NAA15: variants seen among roughly 807,000 people sequenced by gnomAD.
NAA15 encodes N-alpha-acetyltransferase 15, NatA auxiliary subunit.
A neutral mutation model predicts 114.0 loss-of-function variants in NAA15; 34 were observed. That is an observed-to-expected ratio of 0.30 (90% CI 0.23 to 0.40). The LOEUF (loss-of-function observed/expected upper bound fraction) is 0.40, where lower values mean the gene tolerates loss of function less well. Among genes scored for constraint, NAA15 ranks in the 10% least tolerant of loss-of-function variants. NAA15 has a pLI of 1.00. For missense variants in NAA15, 658 were observed against 1,004.5 expected, an observed-to-expected ratio of 0.66 and a Z score of 4.66; for synonymous variants, 340 against 338.0, an observed-to-expected ratio of 1.01 and a Z score of -0.06.
Position 139,340,953 on chromosome 4 carries a change from T to C in NAA15, c.286T>C (p.Tyr96His). Residue 96 changes from tyrosine to histidine, a missense_variant, in exon 4 of 20, where the codon TAT becomes CAT. Tyr to His is a moderately conservative substitution (Grantham distance 83, BLOSUM62 2). Around this residue, in one of 6 missense-constraint regions of NAA15, gnomAD observed 75 missense variants for 172.3 expected, o/e 0.44. Coordinates refer to ENST00000296543, the MANE Select transcript of NAA15 (RefSeq NM_057175.5). ...YGLLQRSDKK[Y>H]DEAIKCYRNA... ...CCTTCTTCAGAGGTCAGACAAGAAGTATGATGAAGCCATTAAGTGTTACAG... is the reference window on the plus strand; with the variant it reads ...CCTTCTTCAGAGGTCAGACAAGAAGCATGATGAAGCCATTAAGTGTTACAG... The C allele has an allele frequency of 6.2e-7, 1 of 1,602,490 alleles. No individual in the cohort carries two copies. Among genetic ancestry groups the C allele is most frequent in the South Asian group, 1.1e-5 (1 of 87,908 alleles).
Position 139,357,402 on chromosome 4 carries a change from A to G in NAA15, c.1104A>G (p.Glu368=). The G allele has an allele frequency of 6.2e-7, 1 of 1,613,726 alleles. No individual in the cohort carries two copies. The highest frequency in any genetic ancestry group is 8.5e-7 in the Non-Finnish European group (1 of 1,179,838). ...LFNPNDDGKE[E]PPTTLLWVQY... The stretch of plus-strand genomic sequence containing the variant: ...TCTCCTAAGATGATGGAAAGGAGGA[A>G]CCACCAACCACATTACTTTGGGTCC... The change falls in exon 11 of 20, where the codon GAA becomes GAG. Residue 368 remains glutamate, a synonymous_variant. Transcript: ENST00000296543.
At chr4:139,366,558 G>A (rs1030595037) in intron 14 of NAA15, among the ~76,000 whole-genome samples, 8 of 151,606 alleles carry the variant, frequency 5.3e-5, no homozygotes, top group African/African-American at 1.7e-4. Context: ...TTTAACTGCC[G>A]TGGTCTGCAT....
At chr4:139,343,138 G>T (rs1747469125) in intron 5 of NAA15, among the ~76,000 whole-genome samples, 178 bp downstream of exon 5, 1 of 152,126 alleles carries the variant, frequency 6.6e-6, no homozygotes, top group Non-Finnish European at 1.5e-5. Context: ...TTAATATTTG[G>T]TGCATTTACT....
chr4:139,365,990 C>A (rs1748269956), intron 14 of NAA15, among the ~76,000 whole-genome samples: 1 of 151,132 alleles, frequency 6.6e-6, no homozygotes. Flanking sequence ...TTTGTGTTTC[C>A]AGAATGTAAT....
At chr4:139,381,504 C>T (rs1748754564) in intron 17 of NAA15, among the ~76,000 whole-genome samples, 1 of 151,874 alleles carries the variant, frequency 6.6e-6, no homozygotes, top group South Asian at 2.1e-4. Context: ...ATGTCTCCTC[C>T]AACCTTCTTT....
intron 16 of NAA15, among the ~76,000 whole-genome samples, chr4:139,377,303 G>A (rs184956839): frequency 0.01 from 1,550 of 152,208 alleles, 16 homozygotes; most frequent in Middle Eastern, 0.027. Flanking sequence ...TTGGGAGGCC[G>A]AGGCAGGTGG....
Position 139,311,953 on chromosome 4 carries a change from G to A in NAA15, c.54+10122G>A, listed in dbSNP as rs1430748768. 2.6e-5 allele frequency among the ~76,000 whole-genome samples: 4 copies of A among 151,130 alleles called. 1 individual carries two copies. Among genetic ancestry groups the A allele is most frequent in the East Asian group, 3.9e-4 (2 of 5,104 alleles). Reference sequence around the variant, plus strand: ...TGCACTCCAGCCTGGGCACCATAGCGAGACTCTATCTCTTTAAAAAAAAAA... The same window carrying A: ...TGCACTCCAGCCTGGGCACCATAGCAAGACTCTATCTCTTTAAAAAAAAAA... On this transcript the variant is annotated intron_variant, in intron 1 of 19. Coordinates refer to ENST00000296543, the MANE Select transcript of NAA15 (RefSeq NM_057175.5).
At chr4:139,312,365 T>C (rs1746252053) in intron 1 of NAA15, among the ~76,000 whole-genome samples, 1 of 151,930 alleles carries the variant, frequency 6.6e-6, no homozygotes, top group African/African-American at 2.4e-5. Context: ...ATGCCAGCTG[T>C]AGGCTTAAAC....
intron 1 of NAA15, among the ~76,000 whole-genome samples, chr4:139,323,173 C>T (rs1746683174): frequency 6.6e-6 from 1 of 151,214 alleles, no homozygotes; most frequent in Non-Finnish European, 1.5e-5. Flanking sequence ...TCTCCTGCCT[C>T]AGCCTCCTGA....
intron 1 of NAA15, among the ~76,000 whole-genome samples, chr4:139,308,797 G>T (rs1268911516): frequency 1.3e-5 from 2 of 151,880 alleles, no homozygotes; most frequent in African/African-American, 4.8e-5. Context: ...TATATTTTTA[G>T]TACAGACAGG....
chr4:139,335,270 A>G (rs974364701), intron 2 of NAA15, among the ~76,000 whole-genome samples: 2 of 152,186 alleles, frequency 1.3e-5, no homozygotes, highest in African/African-American at 2.4e-5. Context: ...TTTGATATTC[A>G]TTTCTAAAGT....
chr4:139,331,142 T>C (rs1054554383), intron 1 of NAA15, among the ~76,000 whole-genome samples: 1 of 152,214 alleles, frequency 6.6e-6, no homozygotes, highest in Non-Finnish European at 1.5e-5. Context: ...AAAGCATATG[T>C]TGATGTCTAA....
intron 16 of NAA15, among the ~76,000 whole-genome samples, chr4:139,378,507 G>A (rs1017574251): frequency 1.3e-5 from 2 of 152,156 alleles, no homozygotes; most frequent in Admixed American, 6.5e-5. Flanking sequence ...TTGCTTATAT[G>A]TCATTAGTTT....
intron 1 of NAA15, among the ~76,000 whole-genome samples, chr4:139,330,651 G>C (rs1014815775): frequency 6.6e-6 from 1 of 152,090 alleles, no homozygotes; most frequent in Admixed American, 6.6e-5. Context: ...GTGAAGACTT[G>C]GTGCAGAATA....
chr4:139,378,721 A>G (rs759061710), intron 16 of NAA15, 35 bp from the exon 17 acceptor site: 36 of 1,397,320 alleles, frequency 2.6e-5, no homozygotes, highest in Middle Eastern at 3.7e-4. Context: ...CTCTTATCCA[A>G]TGATCAAAAT....
Position 139,389,366 on chromosome 4 carries a change from T to C in NAA15, c.*1282T>C, listed in dbSNP as rs3828506. 34,058 of 152,422 alleles carry C rather than the reference T, an allele frequency of 0.22. 4,215 individuals are homozygous for C. Among genetic ancestry groups the C allele is most frequent in the South Asian group, 0.41 (1,977 of 4,812 alleles). 9.4% of individuals were successfully genotyped at this position (152,422 alleles called of 1,614,324 possible). ...TAATCTGTGTTGGGCTTCTGTGAAA[T>C]ACACAGGTGGAAACAGAGGTGCAAG... On this transcript the variant is annotated 3_prime_UTR_variant, in exon 20 of 20. Coordinates refer to ENST00000296543, the MANE Select transcript of NAA15 (RefSeq NM_057175.5).
intron 6 of NAA15, among the ~76,000 whole-genome samples, chr4:139,349,247 A>G (rs1747700042): frequency 6.6e-6 from 1 of 152,166 alleles, no homozygotes. Flanking sequence ...GAGGATGTGA[A>G]GAGGATGGCA....
At chr4:139,330,613 A>T (rs7682614) in intron 1 of NAA15, among the ~76,000 whole-genome samples, 1 of 152,016 alleles carries the variant, frequency 6.6e-6, no homozygotes, top group African/African-American at 2.4e-5. Context: ...TGAGTTGAAG[A>T]GGGGGAATCA....
rs182008061 is a variant in NAA15, at chr4:139,334,247, C to A, written c.128C>A (p.Ala43Glu). The A allele has an allele frequency of 6.3e-7, 1 of 1,599,382 alleles. No homozygotes were observed. Among genetic ancestry groups the A allele is most frequent in the Non-Finnish European group, 8.5e-7 (1 of 1,173,428 alleles). The change falls in exon 2 of 20, where the codon GCA (alanine) becomes GAA (glutamate). Residue 43 changes from alanine to glutamate, a missense_variant. Transcript: ENST00000296543. The part of the protein sequence containing the change: ...CKQILSNPKF[A>E]EHGETLAMKG... ...CAAATACTTTCTAATCCCAAATTTGCAGAGCATGGAGGTAAGTGCAAGTAG... is the reference window on the plus strand; with the variant it reads ...CAAATACTTTCTAATCCCAAATTTGAAGAGCATGGAGGTAAGTGCAAGTAG...
Sources: gnomAD v4.1 joint callset for allele counts (sites outside exome capture counted in the v4.1 genomes callset) on GRCh38, gnomAD v4.1.1 for gene constraint, gnomAD v4.1.1 regional missense constraint, MANE v1.5 for transcripts, NCBI Gene and HGNC (gene_info 2026-07-23, HGNC 2026-07-21) for gene names.